The following SYN3 variants were observed in gnomAD, a reference collection of about 807,000 sequenced individuals.
The protein encoded by SYN3 is synapsin-3.
SYN3 carries 35 observed loss-of-function variants against 65.8 expected under a neutral mutation model. The ratio of observed to expected loss-of-function variants is 0.53; its 90% CI spans 0.41 to 0.70. The LOEUF (loss-of-function observed/expected upper bound fraction) is 0.70. SYN3 is among the 30% of genes least tolerant of loss of function. The pLI is 0.00. For synonymous variants in SYN3, 270 were observed against 292.9 expected (o/e 0.92, Z 0.80); for missense variants, 680 against 749.0 (o/e 0.91, Z 1.08).
chr22:32,644,809 C>G (rs4821079), intron 6 of SYN3, among the ~76,000 whole-genome samples: 55,281 of 151,980 alleles, frequency 0.36, 11,638 homozygotes, highest in East Asian at 0.9. Context: ...TGGGGCCTCC[C>G]AGTGCTGTGG....
chr22:32,939,518 C>T (rs957250447), intron 3 of SYN3, among the ~76,000 whole-genome samples: 4 of 152,176 alleles, frequency 2.6e-5, no homozygotes, highest in Non-Finnish European at 5.9e-5. Flanking sequence ...CTCATTCCAG[C>T]TGATCTCACC....
Position 32,565,169 on chromosome 22 carries a change from T to TTGGA in SYN3, c.775-23457_775-23456insTCCA, listed in dbSNP as rs1234590992. 6.9e-4 allele frequency among the ~76,000 whole-genome samples: 85 copies of TTGGA among 124,054 alleles called. 1 individual carries two copies. Among genetic ancestry groups the TTGGA allele is most frequent in the African/African-American group, 2.0e-3 (66 of 32,302 alleles). The allele number at this position is 124,054 out of a possible 152,430, so 81.4% of individuals were successfully genotyped here. Reference sequence around the variant, plus strand: ...CCTGGGCTGCACCCAAACAGTGCTCTCGGACTGCACCCAAACAGTGCTCTC... The same window carrying TTGGA: ...CCTGGGCTGCACCCAAACAGTGCTCTTGGACGGACTGCACCCAAACAGTGCTCTC... On this transcript the variant is annotated intron_variant, in intron 7 of 13. Transcript: ENST00000358763.
intron 6 of SYN3, among the ~76,000 whole-genome samples, chr22:32,764,312 C>G (rs1035023140): frequency 6.6e-6 from 1 of 152,244 alleles, no homozygotes. Context: ...AACAAAATGT[C>G]CCCGTTTTCT....
intron 1 of SYN3, among the ~76,000 whole-genome samples, chr22:33,049,690 A>C (rs966092650): frequency 6.6e-6 from 1 of 152,160 alleles, no homozygotes; most frequent in Non-Finnish European, 1.5e-5. Flanking sequence ...AAGAACAAAA[A>C]CCACACGGCA....
chr22:32,604,930 C>T (rs75945376), intron 6 of SYN3, among the ~76,000 whole-genome samples: 14,377 of 145,350 alleles, frequency 0.099, 866 homozygotes, highest in African/African-American at 0.17. Flanking sequence ...GGTGTGAACC[C>T]GGGAGGTGGA....
intron 4 of SYN3, among the ~76,000 whole-genome samples, chr22:32,887,488 C>T (rs539331822): frequency 2.6e-5 from 4 of 152,262 alleles, no homozygotes; most frequent in East Asian, 1.9e-4. Flanking sequence ...ACAACCCAAG[C>T]GAGCTTGGAA....
At chr22:32,767,014 T>A (rs2045643820) in intron 6 of SYN3, among the ~76,000 whole-genome samples, 1 of 152,168 alleles carries the variant, frequency 6.6e-6, no homozygotes, top group Non-Finnish European at 1.5e-5. Context: ...AGTTCTTACA[T>A]CTCTCCCTCC....
intron 2 of SYN3, among the ~76,000 whole-genome samples, chr22:33,002,505 G>A (rs530156569): frequency 1.4e-4 from 22 of 152,204 alleles, no homozygotes; most frequent in Admixed American, 1.2e-3. Flanking sequence ...TTACCCGGGC[G>A]TGGTGGCGCC....
At chr22:32,960,989 T>C (rs2051630756) in intron 3 of SYN3, among the ~76,000 whole-genome samples, 1 of 152,204 alleles carries the variant, frequency 6.6e-6, no homozygotes, top group South Asian at 2.1e-4. Flanking sequence ...AAACTGTCTT[T>C]AGGGTACCCA....
At chr22:32,558,747 A>C (rs1253951035) in intron 7 of SYN3, among the ~76,000 whole-genome samples, 2 of 152,212 alleles carry the variant, frequency 1.3e-5, no homozygotes, top group African/African-American at 4.8e-5. Flanking sequence ...GGTATCCCCC[A>C]CTGGAATCAT....
chr22:32,611,285 T>G (rs2710392), intron 6 of SYN3, among the ~76,000 whole-genome samples: 14 of 9,216 alleles, frequency 1.5e-3, no homozygotes, highest in Non-Finnish European at 2.0e-3. Context: ...TTTTTTTTTG[T>G]TTTTTTTTTT....
intron 6 of SYN3, among the ~76,000 whole-genome samples, chr22:32,689,953 A>G (rs2060640597): frequency 6.6e-6 from 1 of 152,078 alleles, no homozygotes; most frequent in Non-Finnish European, 1.5e-5. Flanking sequence ...AGGCAGGAGG[A>G]TTACCTGAGG....
intron 4 of SYN3, among the ~76,000 whole-genome samples, chr22:32,876,350 G>C (rs182290691): frequency 2.0e-5 from 3 of 152,074 alleles, no homozygotes; most frequent in East Asian, 3.9e-4. Flanking sequence ...ATAAATTTTG[G>C]GGGGACACAC....
At chr22:32,836,826 G>A (rs1269624218) in intron 6 of SYN3, among the ~76,000 whole-genome samples, 1 of 152,124 alleles carries the variant, frequency 6.6e-6, no homozygotes, top group East Asian at 1.9e-4. Flanking sequence ...CCACATGAAG[G>A]GTAAGTTATA....
At chr22:32,699,302 A>G (rs962346176) in intron 6 of SYN3, among the ~76,000 whole-genome samples, 1 of 151,960 alleles carries the variant, frequency 6.6e-6, no homozygotes, top group East Asian at 1.9e-4. Flanking sequence ...GACAACCCAG[A>G]CCTCCACATG....
In SYN3 at chr22:32,615,051, T is replaced by A. The variant is rs569593093; in HGVS notation, c.712-18315A>T. On this transcript the variant is annotated intron_variant, in intron 6 of 13. Transcript: ENST00000358763. Reference sequence around the variant, plus strand: ...CCCCACCGTGGTTGGGAGCCGACAGTGGTGACACTCTGCTAAGTGCTGATG... The same window carrying A: ...CCCCACCGTGGTTGGGAGCCGACAGAGGTGACACTCTGCTAAGTGCTGATG... 2.0e-5 allele frequency among the ~76,000 whole-genome samples: 3 copies of A among 151,750 alleles called. No individual in the cohort carries two copies. The East Asian group carries it at 5.8e-4, about 30-fold the overall frequency.
intron 1 of SYN3, among the ~76,000 whole-genome samples, chr22:33,034,247 GCTTT>G (rs1425913834): frequency 6.6e-6 from 1 of 151,112 alleles, no homozygotes; most frequent in Non-Finnish European, 1.5e-5. Flanking sequence ...TGTACTACTT[GCTTT>G]CTTTCTTTCT....
chr22:32,739,297 G>GT lies in SYN3; in HGVS notation c.711+125617dup, dbSNP rs1203075567. On this transcript the variant is annotated intron_variant, in intron 6 of 13. Transcript: ENST00000358763. ...CATTCTCTCTCTTGTCTGCCACCAT[G>GT]TAAGATGTGCCTTTTGCCTTCCGCC... Among the ~76,000 whole-genome samples, 7 of 151,488 alleles carry GT rather than the reference G, an allele frequency of 4.6e-5. No individual in the cohort carries two copies. The South Asian group carries it at 6.3e-4, about 14-fold the overall frequency.
chr22:32,636,514 TCCCCATGACGGGCCATTGCTAGATGGA>T (rs2059819566), intron 6 of SYN3, among the ~76,000 whole-genome samples: 1 of 152,172 alleles, frequency 6.6e-6, no homozygotes, highest in Non-Finnish European at 1.5e-5. Context: ...AAAGTGGCTG[TCCCCATGACGGGCCATTGCTAGATGGA>T]CTTGACACCT....
Sources: allele counts gnomAD v4.1 joint callset (sites outside exome capture counted in the v4.1 genomes callset), GRCh38; gene constraint gnomAD v4.1.1; transcripts MANE v1.5; gene names NCBI Gene and HGNC (gene_info 2026-07-23, HGNC 2026-07-21).